DLG2: variants seen among roughly 807,000 people sequenced by gnomAD.
DLG2 encodes the protein disks large homolog 2.
In DLG2, 45 loss-of-function variants were observed where a neutral mutation model predicts 132.5. The ratio of observed to expected loss-of-function variants is 0.34; its 90% CI spans 0.27 to 0.44. DLG2 has a LOEUF of 0.44. Ranked by LOEUF, DLG2 falls within the 20% of genes least tolerant of loss-of-function variation. The pLI is 1.00. For missense variants in DLG2, 1,045 were observed against 1,196.9 expected, an observed-to-expected ratio of 0.87 and a Z score of 1.87; for synonymous variants, 424 against 419.6, an observed-to-expected ratio of 1.01 and a Z score of -0.13.
chr11:83,811,607 TTAAAA>T (rs1413697672), intron 17 of DLG2, among the ~76,000 whole-genome samples: 1 of 152,170 alleles, frequency 6.6e-6, no homozygotes, highest in East Asian at 1.9e-4. Flanking sequence ...AAAAATAATG[TTAAAA>T]TAAATCTTCC....
chr11:84,930,936 A>C (rs1163543333), intron 6 of DLG2, among the ~76,000 whole-genome samples: 1 of 151,932 alleles, frequency 6.6e-6, no homozygotes, highest in Non-Finnish European at 1.5e-5. Context: ...CTCATTTTCC[A>C]CACTGACTCT....
At chr11:83,533,447 G>C (rs1030209997) in intron 20 of DLG2, among the ~76,000 whole-genome samples, 1 of 152,190 alleles carries the variant, frequency 6.6e-6, no homozygotes, top group Non-Finnish European at 1.5e-5. Context: ...GGCAAGAACA[G>C]TGGTGTAAAC....
intron 6 of DLG2, among the ~76,000 whole-genome samples, chr11:84,606,640 T>C (rs1361154905): frequency 1.3e-5 from 2 of 152,124 alleles, no homozygotes; most frequent in Admixed American, 6.6e-5. Context: ...AAATTCCTTT[T>C]GGACAGCTGA....
intron 7 of DLG2, among the ~76,000 whole-genome samples, chr11:84,424,697 A>G (rs969478824): frequency 6.6e-6 from 1 of 152,144 alleles, no homozygotes; most frequent in Non-Finnish European, 1.5e-5. Context: ...GAAGTATTAA[A>G]AATAAGAACA....
At chr11:85,596,978 A>G (rs2079819069) in intron 3 of DLG2, among the ~76,000 whole-genome samples, 1 of 152,202 alleles carries the variant, frequency 6.6e-6, no homozygotes, top group Non-Finnish European at 1.5e-5. Flanking sequence ...GCTGAAGTAA[A>G]TCTATCCATT....
intron 15 of DLG2, among the ~76,000 whole-genome samples, chr11:83,908,434 TTCTC>T (rs369097045): frequency 2.6e-5 from 4 of 151,874 alleles, no homozygotes; most frequent in South Asian, 2.1e-4. Context: ...CTGTCTTTTT[TTCTC>T]TCTCTCTCTC....
chr11:85,324,600 T>A (rs1279797450), intron 3 of DLG2, among the ~76,000 whole-genome samples: 2 of 152,176 alleles, frequency 1.3e-5, no homozygotes, highest in African/African-American at 4.8e-5. Context: ...CATTGCTCTA[T>A]CTTTAGTAGT....
At chr11:83,761,614 A>G (rs2093911845) in intron 18 of DLG2, among the ~76,000 whole-genome samples, 1 of 151,998 alleles carries the variant, frequency 6.6e-6, no homozygotes, top group Non-Finnish European at 1.5e-5. Flanking sequence ...ATTACCCCCA[A>G]CATCATATCT....
intron 18 of DLG2, among the ~76,000 whole-genome samples, chr11:83,742,288 G>GTAATAATATCA (rs2092583067): frequency 6.6e-6 from 1 of 150,992 alleles, no homozygotes. Flanking sequence ...ACTGACTGTA[G>GTAATAATATCA]TAATAATATC....
At chr11:83,835,348 G>GA (rs1172800285) in intron 16 of DLG2, among the ~76,000 whole-genome samples, 3 of 151,966 alleles carry the variant, frequency 2.0e-5, no homozygotes, top group Non-Finnish European at 4.4e-5. Context: ...ATTTTGGAGA[G>GA]AAAAAAAGGC....
intron 6 of DLG2, chr11:84,534,933 T>C (rs569682190): frequency 2.3e-4 from 159 of 696,102 alleles, no homozygotes; most frequent in African/African-American, 2.3e-3. Context: ...ACCACGAATA[T>C]TGACCAATGT....
chr11:84,216,415 C>CG (rs1021614709), intron 8 of DLG2, among the ~76,000 whole-genome samples: 1 of 151,984 alleles, frequency 6.6e-6, no homozygotes, highest in Non-Finnish European at 1.5e-5. Context: ...GGAGAGATCA[C>CG]GGGGGGCAAA....
At chr11:85,086,604 A>T (rs1046996393) in intron 6 of DLG2, among the ~76,000 whole-genome samples, 1 of 152,176 alleles carries the variant, frequency 6.6e-6, no homozygotes, top group South Asian at 2.1e-4. Flanking sequence ...TCTGAAGATA[A>T]ACAATTCAGT....
chr11:84,530,896 G>C (rs923909640), intron 7 of DLG2, among the ~76,000 whole-genome samples: 4 of 152,108 alleles, frequency 2.6e-5, no homozygotes, highest in African/African-American at 9.7e-5. Flanking sequence ...ACAGTAGCTG[G>C]GTTCAGGAAA....
intron 6 of DLG2, among the ~76,000 whole-genome samples, chr11:84,885,242 A>G (rs2088053792): frequency 6.6e-6 from 1 of 150,940 alleles, no homozygotes; most frequent in Non-Finnish European, 1.5e-5. Flanking sequence ...AAACTTTCAA[A>G]AATGTTTTGG....
intron 21 of DLG2, among the ~76,000 whole-genome samples, chr11:83,526,466 G>C (rs1373755834): frequency 1.3e-5 from 2 of 152,064 alleles, no homozygotes; most frequent in African/African-American, 4.8e-5. Flanking sequence ...TATGTTTAAG[G>C]TAGACATCGT....
At chr11:84,922,454 GGCTCATTAGCTACA>G (rs1383111871) in intron 6 of DLG2, among the ~76,000 whole-genome samples, 1 of 152,168 alleles carries the variant, frequency 6.6e-6, no homozygotes, top group Admixed American at 6.5e-5. Context: ...CAACTTCAGA[GGCTCATTAGCTACA>G]GCAAGTGAAT....
At chr11:85,573,891 C>T (rs1427261373) in intron 3 of DLG2, among the ~76,000 whole-genome samples, 2 of 152,038 alleles carry the variant, frequency 1.3e-5, no homozygotes, top group Non-Finnish European at 2.9e-5. Context: ...ATAACATGAC[C>T]TCTTTTAAAT....
intron 7 of DLG2, among the ~76,000 whole-genome samples, chr11:84,487,175 T>C (rs1004896939): frequency 7.2e-5 from 11 of 152,164 alleles, no homozygotes; most frequent in African/African-American, 2.7e-4. Context: ...TAGTCTTTTT[T>C]TCAGAGTCTG....
Sources: gnomAD v4.1 joint callset for allele counts (sites outside exome capture counted in the v4.1 genomes callset) on GRCh38, gnomAD v4.1.1 for gene constraint, MANE v1.5 for transcripts, NCBI Gene and HGNC (gene_info 2026-07-23, HGNC 2026-07-21) for gene names.